The following SPIDR variants were observed in gnomAD, a reference collection of about 807,000 sequenced individuals.
SPIDR encodes scaffold protein involved in DNA repair, also known as DNA repair-scaffolding protein.
Under a neutral mutation model 104.6 loss-of-function variants are expected in SPIDR, and 93 were observed. The observed-to-expected ratio is 0.89, with a 90% CI of 0.75 to 1.06. SPIDR has a LOEUF of 1.06. Ranked by LOEUF, SPIDR falls within the 50% of genes least tolerant of loss-of-function variation. SPIDR has a pLI of 0.00. For missense variants in SPIDR, 1,154 were observed against 1,111.2 expected, an observed-to-expected ratio of 1.04 and a Z score of -0.55; for synonymous variants, 431 against 416.9, an observed-to-expected ratio of 1.03 and a Z score of -0.41.
chr8:47,489,813 A>T (rs2078357948), intron 8 of SPIDR, among the ~76,000 whole-genome samples: 1 of 152,204 alleles, frequency 6.6e-6, no homozygotes, highest in African/African-American at 2.4e-5. Flanking sequence ...AGAAAGCTGA[A>T]ACTGGATCCC....
intron 10 of SPIDR, among the ~76,000 whole-genome samples, chr8:47,627,338 T>C (rs2066332454): frequency 6.6e-6 from 1 of 151,998 alleles, no homozygotes; most frequent in Non-Finnish European, 1.5e-5. Context: ...TGTATACATA[T>C]GTAACAAACC....
intron 8 of SPIDR, among the ~76,000 whole-genome samples, chr8:47,565,073 C>A (rs1010414285): frequency 6.6e-6 from 1 of 152,104 alleles, no homozygotes; most frequent in African/African-American, 2.4e-5. Context: ...ATGGAGAAAC[C>A]CCATCTTTAC....
At chr8:47,273,947 G>A (rs1233884824) in intron 1 of SPIDR, among the ~76,000 whole-genome samples, 3 of 152,142 alleles carry the variant, frequency 2.0e-5, no homozygotes, top group African/African-American at 7.2e-5. Flanking sequence ...AGAGGTTACT[G>A]AGTGGAGCTG....
At chr8:47,595,171 T>C (rs1410125932) in intron 8 of SPIDR, among the ~76,000 whole-genome samples, 4 of 152,100 alleles carry the variant, frequency 2.6e-5, no homozygotes, top group Non-Finnish European at 5.9e-5. Context: ...ATTAGAGGAA[T>C]AGGGGAAAGT....
chr8:47,314,465 T>A (rs1356432736), intron 5 of SPIDR, among the ~76,000 whole-genome samples: 1 of 152,182 alleles, frequency 6.6e-6, no homozygotes, highest in Non-Finnish European at 1.5e-5. Context: ...CAGTTCAGCA[T>A]GGCTGGGGAG....
intron 5 of SPIDR, among the ~76,000 whole-genome samples, chr8:47,348,989 A>G (rs893186515): frequency 1.3e-5 from 2 of 152,158 alleles, no homozygotes; most frequent in East Asian, 1.9e-4. Flanking sequence ...GCTTTATTTG[A>G]TTGCTCGTGA....
intron 6 of SPIDR, among the ~76,000 whole-genome samples, chr8:47,402,856 G>A (rs1554664284): frequency 2.6e-5 from 4 of 152,132 alleles, no homozygotes; most frequent in Non-Finnish European, 5.9e-5. Context: ...CATTTTATGA[G>A]GCCAGCATCA....
chr8:47,616,441 A>G (rs559594962), intron 10 of SPIDR, among the ~76,000 whole-genome samples: 20 of 152,178 alleles, frequency 1.3e-4, no homozygotes, highest in Non-Finnish European at 2.8e-4. Context: ...TATATACTAT[A>G]TAGTTAGGAA....
intron 8 of SPIDR, among the ~76,000 whole-genome samples, chr8:47,484,310 C>T (rs2077250673): frequency 6.6e-6 from 1 of 152,212 alleles, no homozygotes; most frequent in South Asian, 2.1e-4. Flanking sequence ...TACATATCAA[C>T]CCTTTGAGAG....
Position 47,408,533 on chromosome 8 carries a change from C to CT in SPIDR, c.877+575dup, listed in dbSNP as rs536368685. Among the ~76,000 whole-genome samples the CT allele has an allele frequency of 9.9e-5, 15 of 152,278 alleles. No individual in the cohort carries two copies. In the South Asian group the frequency reaches 2.9e-3, roughly 29 times the overall value. On this transcript the variant is annotated intron_variant, in intron 7 of 19. Coordinates refer to ENST00000297423, the MANE Select transcript of SPIDR (RefSeq NM_001080394.4). ...GCTTATATAATCAAAACGTTGTACC[C>CT]TTTGACAAATACCTCTCTATTGGCA...
At chr8:47,720,674 T>C (rs139737873) in intron 16 of SPIDR, among the ~76,000 whole-genome samples, 3 of 152,344 alleles carry the variant, frequency 2.0e-5, no homozygotes, top group East Asian at 3.9e-4. Context: ...CATTTTCTTA[T>C]TGTTGAGTTT....
chr8:47,657,827 C>A (rs1032887247), intron 10 of SPIDR, among the ~76,000 whole-genome samples: 5 of 151,524 alleles, frequency 3.3e-5, no homozygotes, highest in Admixed American at 3.3e-4. Flanking sequence ...CCCATGAGTT[C>A]CAGACCAGCC....
At chr8:47,360,536 C>T (rs1454230751) in intron 5 of SPIDR, among the ~76,000 whole-genome samples, 2 of 152,044 alleles carry the variant, frequency 1.3e-5, no homozygotes, top group Non-Finnish European at 2.9e-5. Flanking sequence ...GGTGAAAACC[C>T]GTAGGCTTAG....
Position 47,723,113 on chromosome 8 carries a change from C to T in SPIDR, c.2342-4087C>T, listed in dbSNP as rs550772581. 5.3e-5 allele frequency among the ~76,000 whole-genome samples: 8 copies of T among 152,248 alleles called. No homozygotes were observed. The South Asian group carries it at 8.3e-4, about 16-fold the overall frequency. ...AAACTCCTGACCTCAAGTGATCCCC[C>T]GGCCTTGGCCTTCCAAAGTGCTGTG... On this transcript the variant is annotated intron_variant, in intron 16 of 19. Coordinates refer to ENST00000297423, the MANE Select transcript of SPIDR (RefSeq NM_001080394.4).
rs535946987 is a variant in SPIDR at position 47,348,521 on chromosome 8, T to C, written c.526-47855T>C. Among the ~76,000 whole-genome samples, 9 of 152,352 alleles carry C rather than the reference T, an allele frequency of 5.9e-5. No individual in the cohort carries two copies. The South Asian group carries it at 1.0e-3, about 18-fold the overall frequency. ...CCTTGCGAAGTTGGGGAAGTTTTCCTGGATAATGGATAATATGCTGAAGAG... is the reference window on the plus strand; with the variant it reads ...CCTTGCGAAGTTGGGGAAGTTTTCCCGGATAATGGATAATATGCTGAAGAG... On this transcript the variant is annotated intron_variant, in intron 5 of 19. Coordinates refer to ENST00000297423, the MANE Select transcript of SPIDR (RefSeq NM_001080394.4).
chr8:47,392,021 A>G (rs2060655554), intron 5 of SPIDR, among the ~76,000 whole-genome samples: 1 of 151,426 alleles, frequency 6.6e-6, no homozygotes, highest in African/African-American at 2.4e-5. Flanking sequence ...AAAGAAAGAA[A>G]AGAAAAGAAA....
chr8:47,537,455 A>T (rs2087115713), intron 8 of SPIDR, among the ~76,000 whole-genome samples: 1 of 152,236 alleles, frequency 6.6e-6, no homozygotes, highest in Admixed American at 6.5e-5. Context: ...TAAGTGAAAG[A>T]AACCAATCTA....
intron 8 of SPIDR, among the ~76,000 whole-genome samples, chr8:47,513,238 T>G (rs1050215820): frequency 6.6e-6 from 1 of 152,230 alleles, no homozygotes; most frequent in Non-Finnish European, 1.5e-5. Flanking sequence ...AAACCAGATA[T>G]TCAAAACAAA....
At chr8:47,292,539 G>A (rs1222515184) in intron 4 of SPIDR, among the ~76,000 whole-genome samples, 7 of 152,134 alleles carry the variant, frequency 4.6e-5, no homozygotes, top group South Asian at 2.1e-4. Context: ...GTGAGCTGTC[G>A]CGCCCAGCCT....
Sources: gnomAD v4.1 joint callset for allele counts (sites outside exome capture counted in the v4.1 genomes callset) on GRCh38, gnomAD v4.1.1 for gene constraint, MANE v1.5 for transcripts, NCBI Gene and HGNC (gene_info 2026-07-23, HGNC 2026-07-21) for gene names.